Variants in ARMC3 observed in about 807,000 individuals in gnomAD.
ARMC3 encodes armadillo repeat containing 3.
A neutral mutation model predicts 90.3 loss-of-function variants in ARMC3; 74 were observed. The ratio of observed to expected loss-of-function variants is 0.82; its 90% confidence interval spans 0.68 to 0.99. ARMC3 has a LOEUF of 0.99. ARMC3 is among the 50% of genes least tolerant of loss of function. ARMC3 has a pLI of 0.00. For synonymous variants in ARMC3, 334 were observed against 361.8 expected (o/e 0.92, Z 0.87); for missense variants, 958 against 1,042.8 (o/e 0.92, Z 1.12).
At chr10:22,967,781 A>T (rs1449933932) in intron 7 of ARMC3, among the ~76,000 whole-genome samples, 1 of 152,122 alleles carries the variant, frequency 6.6e-6, no homozygotes, top group Admixed American at 6.6e-5. Context: ...ATGATGGTGG[A>T]TTATCCTTTC....
At chr10:22,937,782 G>T (rs1385586323) in intron 2 of ARMC3, among the ~76,000 whole-genome samples, 1 of 152,140 alleles carries the variant, frequency 6.6e-6, no homozygotes, top group Admixed American at 6.5e-5. Flanking sequence ...AGTTTCCAGG[G>T]GCACTTTAAT....
intron 1 of ARMC3, 29 bp from the exon 2 acceptor site, chr10:22,931,964 TCAC>T (rs771250327): frequency 1.3e-6 from 2 of 1,571,292 alleles, no homozygotes; most frequent in South Asian, 2.3e-5. Flanking sequence ...TGTGCAAATG[TCAC>T]TTTAACCATA....
At chr10:23,003,478 C>T in intron 13 of ARMC3, 64 bp downstream of exon 13, 1 of 1,270,066 alleles carries the variant, frequency 7.9e-7, no homozygotes, top group Non-Finnish European at 1.1e-6. Context: ...AATCCTGATG[C>T]CATTACATTG....
At chr10:23,008,430 G>GA in intron 15 of ARMC3, 56 bp downstream of exon 15, 1 of 974,584 alleles carries the variant, frequency 1.0e-6, no homozygotes, top group African/African-American at 1.7e-5. Context: ...ATTTGAGTGT[G>GA]AAAAAATGTT....
chr10:22,960,150 C>A (rs1835128853), intron 6 of ARMC3: 1 of 206,326 alleles, frequency 4.8e-6, no homozygotes, highest in East Asian at 1.2e-4. Context: ...AATACACACA[C>A]ATACACACAC....
chr10:23,013,199 A>G (rs1838102092), intron 16 of ARMC3, among the ~76,000 whole-genome samples: 1 of 138,612 alleles, frequency 7.2e-6, no homozygotes. Context: ...ATGGCCAGCC[A>G]CTACACACCT....
chr10:23,020,852 G>A (rs1838481390), intron 16 of ARMC3, among the ~76,000 whole-genome samples: 1 of 152,034 alleles, frequency 6.6e-6, no homozygotes, highest in Admixed American at 6.6e-5. Context: ...GGTTTGCTAC[G>A]TGGGTAAATT....
In ARMC3 at chr10:22,931,524, G is replaced by A. The variant is rs186409042; in HGVS notation, c.-1-472G>A. On this transcript the variant is annotated intron_variant, in intron 1 of 18. Coordinates refer to ENST00000298032, the MANE Select transcript of ARMC3 (RefSeq NM_173081.5). ...TACTCCTAGGAAAAATGGAGTTAAT[G>A]AGGTTTATAAATATCAAATGCCAAT... Among the ~76,000 whole-genome samples the A allele has an allele frequency of 3.1e-4, 47 of 152,266 alleles. 1 individual carries two copies. Among genetic ancestry groups the A allele is most frequent in the Non-Finnish European group, 5.4e-4 (37 of 67,994 alleles).
chr10:22,971,173 C>T (rs144630452), intron 8 of ARMC3, among the ~76,000 whole-genome samples: 46 of 152,246 alleles, frequency 3.0e-4, no homozygotes, highest in Middle Eastern at 3.4e-3. Context: ...GCACTTGGCA[C>T]GATGTCCTTA....
chr10:23,017,138 T>A (rs1838310009), intron 16 of ARMC3, among the ~76,000 whole-genome samples: 1 of 152,162 alleles, frequency 6.6e-6, no homozygotes, highest in Non-Finnish European at 1.5e-5. Context: ...ATACTAACTT[T>A]TGCTTAGAGA....
At chr10:23,006,276 C>T (rs1837610486) in intron 13 of ARMC3, among the ~76,000 whole-genome samples, 1 of 152,190 alleles carries the variant, frequency 6.6e-6, no homozygotes, top group African/African-American at 2.4e-5. Flanking sequence ...AAGGCCTTTA[C>T]TCTGAATGGA....
chr10:22,971,064 A>C (rs971599980), intron 8 of ARMC3, among the ~76,000 whole-genome samples: 7 of 151,936 alleles, frequency 4.6e-5, no homozygotes, highest in African/African-American at 1.7e-4. Flanking sequence ...CCTCATACAA[A>C]CTCCTGGCAA....
At chr10:22,998,526 A>G in intron 11 of ARMC3, 129 bp downstream of exon 11, 1 of 1,230,202 alleles carries the variant, frequency 8.1e-7, no homozygotes, top group Non-Finnish European at 1.1e-6. Flanking sequence ...AAAACAGTGG[A>G]AAACGAATTG....
intron 7 of ARMC3, among the ~76,000 whole-genome samples, chr10:22,963,763 G>A (rs1380062757): frequency 6.6e-6 from 1 of 151,376 alleles, no homozygotes; most frequent in East Asian, 1.9e-4. Flanking sequence ...GGTGGCACGT[G>A]CCTGTAATCC....
At chr10:22,971,965 C>G (rs1041062135) in intron 8 of ARMC3, among the ~76,000 whole-genome samples, 1 of 152,204 alleles carries the variant, frequency 6.6e-6, no homozygotes, top group Non-Finnish European at 1.5e-5. Context: ...GCATCTTTAT[C>G]GTGTACTTAC....
chr10:23,035,643 TTCAC>T (rs1398772522), intron 18 of ARMC3, among the ~76,000 whole-genome samples: 1 of 152,086 alleles, frequency 6.6e-6, no homozygotes, highest in Non-Finnish European at 1.5e-5. Flanking sequence ...GCCCTAATAA[TTCAC>T]TCACTCACTA....
intron 8 of ARMC3, among the ~76,000 whole-genome samples, chr10:22,975,773 T>C (rs1218002858): frequency 6.6e-6 from 1 of 152,182 alleles, no homozygotes; most frequent in African/African-American, 2.4e-5. Flanking sequence ...GAGTCATGAT[T>C]TTTTCCCCTA....
At chr10:22,970,393 T>A (rs1835630698) in intron 8 of ARMC3, among the ~76,000 whole-genome samples, 1 of 152,212 alleles carries the variant, frequency 6.6e-6, no homozygotes, top group Non-Finnish European at 1.5e-5. Flanking sequence ...GCGCTCAGGC[T>A]ATGGACGTGG....
At chr10:23,018,462 A>G (rs1448692880) in intron 16 of ARMC3, among the ~76,000 whole-genome samples, 1 of 152,008 alleles carries the variant, frequency 6.6e-6, no homozygotes, top group African/African-American at 2.4e-5. Context: ...GTGTGCTTCA[A>G]AACCAAAAAG....
Sources: allele counts gnomAD v4.1 joint callset (sites outside exome capture counted in the v4.1 genomes callset), GRCh38; gene constraint gnomAD v4.1.1; transcripts MANE v1.5; gene names NCBI Gene and HGNC (gene_info 2026-07-23, HGNC 2026-07-21).